Variants in TNKS observed in about 807,000 individuals in gnomAD.
TNKS encodes poly [ADP-ribose] polymerase tankyrase-1.
A neutral mutation model predicts 135.8 loss-of-function variants in TNKS; 72 were observed. That is an observed-to-expected ratio of 0.53 (90% confidence interval 0.44 to 0.64). The LOEUF (loss-of-function observed/expected upper bound fraction) is 0.64. Ranked by LOEUF, TNKS falls within the 30% of genes least tolerant of loss-of-function variation. The probability of loss-of-function intolerance (pLI) is 0.00; values close to 1 mark genes in which losing one functional copy is unlikely to be tolerated. For missense variants in TNKS, 1,769 were observed against 1,674.0 expected, an observed-to-expected ratio of 1.06 and a Z score of -0.99; for synonymous variants, 849 against 649.3, an observed-to-expected ratio of 1.31 and a Z score of -4.68.
intron 2 of TNKS, among the ~76,000 whole-genome samples, chr8:9,584,369 C>T (rs898743611): frequency 2.6e-5 from 4 of 152,044 alleles, no homozygotes; most frequent in African/African-American, 4.8e-5. Flanking sequence ...CTTGGTTTGT[C>T]CAGTCATGCA....
chr8:9,769,401 C>CT (rs1319989818), intron 25 of TNKS, among the ~76,000 whole-genome samples: 2 of 152,192 alleles, frequency 1.3e-5, no homozygotes, highest in Non-Finnish European at 2.9e-5. Flanking sequence ...AAGCTAAGTA[C>CT]TTTCGTTCAT....
chr8:9,701,597 G>GA (rs1344169495), intron 5 of TNKS, among the ~76,000 whole-genome samples: 3 of 152,180 alleles, frequency 2.0e-5, no homozygotes, highest in Non-Finnish European at 4.4e-5. Context: ...GAAACTCTGA[G>GA]AAAAATAGAC....
intron 5 of TNKS, among the ~76,000 whole-genome samples, chr8:9,684,921 G>C (rs1017961597): frequency 6.6e-6 from 1 of 152,140 alleles, no homozygotes; most frequent in African/African-American, 2.4e-5. Flanking sequence ...CGGTGATACA[G>C]TTATAAAGTG....
intron 5 of TNKS, among the ~76,000 whole-genome samples, chr8:9,700,707 C>T (rs1803757953): frequency 6.6e-6 from 1 of 151,934 alleles, no homozygotes; most frequent in African/African-American, 2.4e-5. Flanking sequence ...CAGAGGCTAT[C>T]AATTCTGCTT....
At chr8:9,668,380 C>G (rs1418301677) in intron 3 of TNKS, among the ~76,000 whole-genome samples, 2 of 152,182 alleles carry the variant, frequency 1.3e-5, no homozygotes, top group Non-Finnish European at 2.9e-5. Context: ...TGAACATACA[C>G]TCAAATTTTG....
At chr8:9,753,263 T>A (rs1806649512) in intron 20 of TNKS, among the ~76,000 whole-genome samples, 3 of 152,232 alleles carry the variant, frequency 2.0e-5, no homozygotes, top group African/African-American at 7.2e-5. Context: ...ATTCATCTCA[T>A]TTCATTATTC....
intron 1 of TNKS, among the ~76,000 whole-genome samples, chr8:9,560,158 A>G (rs1269648898): frequency 2.6e-5 from 4 of 152,084 alleles, no homozygotes; most frequent in Non-Finnish European, 4.4e-5. Flanking sequence ...GTAGTGACAT[A>G]TTTTTGTTAA....
chr8:9,638,927 C>G (rs967713395), intron 3 of TNKS, among the ~76,000 whole-genome samples: 1 of 152,072 alleles, frequency 6.6e-6, no homozygotes, highest in African/African-American at 2.4e-5. Flanking sequence ...GTGAATGATT[C>G]CAAGAACTTT....
chr8:9,697,978 T>G (rs558805864), intron 5 of TNKS, among the ~76,000 whole-genome samples: 24 of 152,250 alleles, frequency 1.6e-4, no homozygotes, highest in Non-Finnish European at 2.8e-4. Flanking sequence ...CCATTCACAA[T>G]AGCGAAGACA....
chr8:9,666,881 T>A (rs1802022976), intron 3 of TNKS, among the ~76,000 whole-genome samples: 1 of 152,098 alleles, frequency 6.6e-6, no homozygotes, highest in African/African-American at 2.4e-5. Context: ...AGAGTAAAAT[T>A]ATGTTTGGAG....
At chr8:9,574,432 C>A (rs988256965) in intron 1 of TNKS, among the ~76,000 whole-genome samples, 1 of 152,172 alleles carries the variant, frequency 6.6e-6, no homozygotes, top group South Asian at 2.1e-4. Flanking sequence ...TTTTTTCCAA[C>A]CCACTATCGG....
intron 1 of TNKS, among the ~76,000 whole-genome samples, chr8:9,562,086 G>C (rs551926130): frequency 8.8e-4 from 134 of 152,088 alleles, no homozygotes; most frequent in Non-Finnish European, 1.6e-3. Context: ...CAAAGTGCTG[G>C]GATTACAGGA....
intron 3 of TNKS, among the ~76,000 whole-genome samples, chr8:9,624,379 A>G (rs746048480): frequency 1.3e-5 from 2 of 152,246 alleles, no homozygotes; most frequent in Non-Finnish European, 2.9e-5. Context: ...ATGCTTTGCT[A>G]TTGTAATGGT....
At chr8:9,583,072 C>T (rs1433820908) in intron 2 of TNKS, among the ~76,000 whole-genome samples, 2 of 148,964 alleles carry the variant, frequency 1.3e-5, no homozygotes, top group Non-Finnish European at 3.0e-5. Flanking sequence ...GAGGCTGAGG[C>T]AGGAGAATGG....
intron 3 of TNKS, among the ~76,000 whole-genome samples, chr8:9,661,563 C>T (rs1801712779): frequency 1.3e-5 from 2 of 152,224 alleles, no homozygotes; most frequent in East Asian, 3.9e-4. Flanking sequence ...CCCTTCCTTA[C>T]ACCTTAGACA....
intron 3 of TNKS, among the ~76,000 whole-genome samples, chr8:9,640,105 C>T (rs917409352): frequency 6.6e-6 from 1 of 152,072 alleles, no homozygotes; most frequent in African/African-American, 2.4e-5. Flanking sequence ...CTTGATTATA[C>T]CAAAGTTAGG....
intron 3 of TNKS, among the ~76,000 whole-genome samples, chr8:9,647,700 CAG>C (rs1800968925): frequency 6.6e-6 from 1 of 152,146 alleles, no homozygotes; most frequent in South Asian, 2.1e-4. Flanking sequence ...CCCTTGAAGT[CAG>C]GGGCCATATC....
Position 9,743,656 on chromosome 8 carries a change from G to C in TNKS, c.2644-4368G>C, listed in dbSNP as rs140145816. On this transcript the variant is annotated intron_variant, in intron 17 of 26. Coordinates refer to ENST00000310430, the MANE Select transcript of TNKS (RefSeq NM_003747.3). ...TAATCCCAGCACTTTGGGAGGCTGA[G>C]GCGGGAGGATCTTTCAAGCCCAAGA... 4.3e-4 allele frequency: 66 copies of C among 152,842 alleles called. 2 individuals are homozygous for C. The East Asian group carries it at 0.012, about 29-fold the overall frequency. The allele number at this position is 152,842 out of a possible 1,614,324, so 9.5% of individuals were successfully genotyped here.
At chr8:9,594,556 T>C (rs1000329752) in intron 2 of TNKS, among the ~76,000 whole-genome samples, 12 of 152,210 alleles carry the variant, frequency 7.9e-5, no homozygotes, top group Non-Finnish European at 1.8e-4. Context: ...GTGTATACAA[T>C]CCATTTTACG....
Sources: gnomAD v4.1 joint callset for allele counts (sites outside exome capture counted in the v4.1 genomes callset) on GRCh38, gnomAD v4.1.1 for gene constraint, MANE v1.5 for transcripts, NCBI Gene and HGNC (gene_info 2026-07-23, HGNC 2026-07-21) for gene names.